The following SEL1L variants were observed in gnomAD, a reference collection of about 807,000 sequenced individuals.
SEL1L encodes SEL1L adaptor subunit of SYVN1 ubiquitin ligase.
SEL1L carries 52 observed loss-of-function variants against 109.8 expected under a neutral mutation model. The observed-to-expected ratio is 0.47, with a 90% CI of 0.38 to 0.60. The LOEUF (loss-of-function observed/expected upper bound fraction) is 0.60, where lower values mean the gene tolerates loss of function less well. SEL1L is among the 20% of genes least tolerant of loss of function. SEL1L has a pLI of 0.00. For missense variants in SEL1L, 749 were observed against 962.2 expected, an observed-to-expected ratio of 0.78 and a Z score of 2.93; for synonymous variants, 373 against 339.6, an observed-to-expected ratio of 1.10 and a Z score of -1.08.
chr14:81,484,167 C>G, intron 19 of SEL1L, 58 bp downstream of exon 19: 1 of 1,516,618 alleles, frequency 6.6e-7, no homozygotes, highest in Non-Finnish European at 9.0e-7. Flanking sequence ...TATACAAATG[C>G]AAGTATTTTC....
In SEL1L at chr14:81,475,624, C is replaced by CTG. The variant is rs1903134202; in HGVS notation, c.*1347_*1348insCA. 1 of 152,180 alleles carries CTG rather than the reference C, an allele frequency of 6.6e-6. No homozygotes were observed. Among genetic ancestry groups the CTG allele is most frequent in the Non-Finnish European group, 1.5e-5 (1 of 68,036 alleles). The allele number at this position is 152,180 out of a possible 1,614,324, so 9.4% of individuals were successfully genotyped here. A position where few individuals can be genotyped will look rare whatever the true frequency, so the allele number is the denominator to read the frequency against. ...CTCAGACAAGATACAGGCTGGTGAA[C>CTG]ACCACCATCTGACAATAAAATGAAA... On this transcript the variant is annotated 3_prime_UTR_variant, in exon 21 of 21. Coordinates refer to ENST00000336735, the MANE Select transcript of SEL1L (RefSeq NM_005065.6).
chr14:81,507,814 C>T (rs1884303438), intron 3 of SEL1L, among the ~76,000 whole-genome samples: 1 of 152,164 alleles, frequency 6.6e-6, no homozygotes, highest in South Asian at 2.1e-4. Context: ...TCAACTTCCA[C>T]TGGTTGCTTT....
chr14:81,532,247 T>C (rs1313934291), intron 1 of SEL1L, among the ~76,000 whole-genome samples: 1 of 152,220 alleles, frequency 6.6e-6, no homozygotes, highest in Non-Finnish European at 1.5e-5. Flanking sequence ...TTACTGTAGT[T>C]CTCTTTAGTG....
At chr14:81,505,224 TATAG>T (rs1349727307) in intron 4 of SEL1L, among the ~76,000 whole-genome samples, 1 of 152,238 alleles carries the variant, frequency 6.6e-6, no homozygotes, top group Non-Finnish European at 1.5e-5. Flanking sequence ...TTTTATTAAA[TATAG>T]AAACTGATTT....
At chr14:81,481,499 C>T (rs1173865780) in intron 19 of SEL1L, among the ~76,000 whole-genome samples, 1 of 152,036 alleles carries the variant, frequency 6.6e-6, no homozygotes, top group African/African-American at 2.4e-5. Context: ...CTATATTTTT[C>T]AAGATCATGG....
At chr14:81,512,169 C>T (rs774848263) in intron 3 of SEL1L, among the ~76,000 whole-genome samples, 3 of 152,084 alleles carry the variant, frequency 2.0e-5, no homozygotes, top group Non-Finnish European at 4.4e-5. Context: ...AATTGGTGGA[C>T]TTTGAGTAAA....
At chr14:81,505,783 A>G (rs1884215858) in intron 4 of SEL1L, among the ~76,000 whole-genome samples, 1 of 152,168 alleles carries the variant, frequency 6.6e-6, no homozygotes, top group South Asian at 2.1e-4. Context: ...CTGCCCCCAA[A>G]ATGTTTTATG....
At chr14:81,526,055 T>C (rs1885100102) in intron 3 of SEL1L, among the ~76,000 whole-genome samples, 1 of 152,296 alleles carries the variant, frequency 6.6e-6, no homozygotes, top group Middle Eastern at 3.4e-3. Context: ...TTTGGATCAG[T>C]TCCTGAGAGT....
chr14:81,502,194 G>T (rs1028802218), intron 6 of SEL1L, among the ~76,000 whole-genome samples: 3 of 152,040 alleles, frequency 2.0e-5, no homozygotes, highest in African/African-American at 7.2e-5. Flanking sequence ...AAAATATCGT[G>T]TATATATACA....
intron 3 of SEL1L, among the ~76,000 whole-genome samples, chr14:81,525,284 C>T (rs539980713): frequency 2.2e-4 from 34 of 152,024 alleles, no homozygotes; most frequent in Non-Finnish European, 4.6e-4. Flanking sequence ...TGTAGTGTCT[C>T]ATGCCTGTAA....
intron 1 of SEL1L, among the ~76,000 whole-genome samples, chr14:81,529,705 T>C (rs185423290): frequency 6.6e-6 from 1 of 152,342 alleles, no homozygotes; most frequent in Admixed American, 6.5e-5. Flanking sequence ...ATATTACTGG[T>C]GAATAAGATA....
Position 81,472,379 on chromosome 14 carries a change from GAGCTGGA to G in SEL1L, c.*4586_*4592del. 1 of 239,542 alleles carries G rather than the reference GAGCTGGA, an allele frequency of 4.2e-6. No individual in the cohort carries two copies. The highest frequency in any genetic ancestry group is 2.4e-5 in the African/African-American group (1 of 42,552). The allele number at this position is 239,542 out of a possible 1,614,324, so 14.8% of individuals were successfully genotyped here. On this transcript the variant is annotated 3_prime_UTR_variant, in exon 21 of 21. Coordinates refer to ENST00000336735, the MANE Select transcript of SEL1L (RefSeq NM_005065.6). ...TTTTTATCCAAGATCCAATGCTTCT[GAGCTGGA>G]ACATTTTACCTCAGTTACCTCTTTG... is the stretch of plus-strand genomic sequence containing the variant.
intron 1 of SEL1L, among the ~76,000 whole-genome samples, chr14:81,531,836 G>A (rs866325871): frequency 6.6e-6 from 1 of 152,114 alleles, no homozygotes. Context: ...AGCTGGGCCC[G>A]CACAGGTGTT....
rs1566972428 is a variant in SEL1L, at chr14:81,489,322, G to A, written c.1333-8C>T. 2 of 1,612,686 alleles carry A rather than the reference G, an allele frequency of 1.2e-6. No individual in the cohort carries two copies. The highest frequency in any genetic ancestry group is 1.1e-5 in the South Asian group (1 of 91,022). On this transcript the variant is annotated splice_region_variant and splice_polypyrimidine_tract_variant and intron_variant, in intron 13 of 20. Coordinates refer to ENST00000336735, the MANE Select transcript of SEL1L (RefSeq NM_005065.6). ...CTGTCCAACTGGGTTGCCCTGCAAAGCAGAGAAATCAGACAAAAGAGTGAA... is the reference window on the plus strand; with the variant it reads ...CTGTCCAACTGGGTTGCCCTGCAAAACAGAGAAATCAGACAAAAGAGTGAA...
At chr14:81,526,330 T>C (rs1324530668) in intron 3 of SEL1L, among the ~76,000 whole-genome samples, 1 of 152,200 alleles carries the variant, frequency 6.6e-6, no homozygotes. Context: ...GACAAGGTTA[T>C]TGTAGTAATA....
intron 6 of SEL1L, among the ~76,000 whole-genome samples, chr14:81,500,445 C>T (rs1395872676): frequency 6.6e-6 from 1 of 151,994 alleles, no homozygotes; most frequent in Non-Finnish European, 1.5e-5. Flanking sequence ...ACCATGTTGG[C>T]CAGGCTGGTT....
At chr14:81,533,016 G>T (rs902004495) in intron 1 of SEL1L, among the ~76,000 whole-genome samples, 2 of 152,264 alleles carry the variant, frequency 1.3e-5, no homozygotes, top group Middle Eastern at 3.4e-3. Flanking sequence ...ACAAATTTCT[G>T]TATCTATATA....
At chr14:81,483,689 A>G (rs1219564914) in intron 19 of SEL1L, among the ~76,000 whole-genome samples, 1 of 152,182 alleles carries the variant, frequency 6.6e-6, no homozygotes, top group Non-Finnish European at 1.5e-5. Context: ...GTTAATGCTT[A>G]AAATAGCTGG....
Position 81,472,708 on chromosome 14 carries a change from T to C in SEL1L, c.*4264A>G. 3.8e-6 allele frequency: 1 copy of C among 260,502 alleles called. No homozygotes were observed. Among genetic ancestry groups the C allele is most frequent in the Non-Finnish European group, 7.5e-6 (1 of 132,912 alleles). The allele number at this position is 260,502 out of a possible 1,614,324, so 16.1% of individuals were successfully genotyped here. ...TATCAGAGATTTAAAAGATAACATT[T>C]CTTAGCAAATTCATGTTCTCCCTAG... On this transcript the variant is annotated 3_prime_UTR_variant, in exon 21 of 21. Coordinates refer to ENST00000336735, the MANE Select transcript of SEL1L (RefSeq NM_005065.6).
Sources: allele counts gnomAD v4.1 joint callset (sites outside exome capture counted in the v4.1 genomes callset), GRCh38; gene constraint gnomAD v4.1.1; transcripts MANE v1.5; gene names NCBI Gene and HGNC (gene_info 2026-07-23, HGNC 2026-07-21).